Variants in KIF17 observed in about 807,000 individuals in gnomAD.
The protein encoded by KIF17 is kinesin-like protein KIF17.
In KIF17, 80 loss-of-function variants were observed where a neutral mutation model predicts 96.8. The ratio of observed to expected loss-of-function variants is 0.83; its 90% CI spans 0.69 to 1.00. KIF17 has a LOEUF of 1.00. Among genes scored for constraint, KIF17 ranks in the 50% least tolerant of loss-of-function variants. The pLI, the probability that KIF17 is intolerant of heterozygous loss-of-function variation, is 0.00. For synonymous variants in KIF17, 567 were observed against 587.5 expected (o/e 0.97, Z 0.51); for missense variants, 1,280 against 1,372.9 (o/e 0.93, Z 1.07).
In KIF17 at chr1:20,687,282, G is replaced by A. The variant is rs1345787742; in HGVS notation, c.1938+106C>T. The A allele has an allele frequency of 7.0e-6, 9 of 1,279,676 alleles. No homozygotes were observed. The allele number at this position is 1,279,676 out of a possible 1,614,324, so 79.3% of individuals were successfully genotyped here. On this transcript the variant is annotated intron_variant, in intron 8 of 14. Transcript: ENST00000400463. The surrounding 1 kb of genome is among the most constrained non-coding windows in gnomAD (Gnocchi z 4.4). Reference sequence around the variant, plus strand: ...CAGACACAGTGGAGCCACGGCCTGAGTGTCGGAGGCCATGTGTGTGAACAG... The same window carrying A: ...CAGACACAGTGGAGCCACGGCCTGAATGTCGGAGGCCATGTGTGTGAACAG...
intron 6 of KIF17, among the ~76,000 whole-genome samples, chr1:20,697,058 C>A (rs1303306985): frequency 6.6e-6 from 1 of 152,210 alleles, no homozygotes; most frequent in African/African-American, 2.4e-5. Flanking sequence ...GTGCAGCGCC[C>A]GAGGCTCTTG....
intron 3 of KIF17, among the ~76,000 whole-genome samples, chr1:20,711,812 G>T (rs747767695): frequency 6.6e-6 from 1 of 152,132 alleles, no homozygotes; most frequent in Non-Finnish European, 1.5e-5. Context: ...GAGCCCCCGG[G>T]TTCAAATCCC....
intron 6 of KIF17, among the ~76,000 whole-genome samples, chr1:20,691,426 C>A (rs866349448): frequency 2.0e-5 from 3 of 151,966 alleles, no homozygotes; most frequent in Admixed American, 6.6e-5. Context: ...GGATTACAGG[C>A]ATAAGCCACC....
rs148036788 is a variant in KIF17, at chr1:20,703,727, G to A, written c.1123+720C>T. ...AATAGATGGAGAGGAAGGTGGGTGC[G>A]AGGGGGATGAATGGACAGACAGACC... On this transcript the variant is annotated intron_variant, in intron 5 of 14. Transcript: ENST00000400463. 1.6e-3 allele frequency among the ~76,000 whole-genome samples: 236 copies of A among 152,132 alleles called. 1 individual carries two copies. Among genetic ancestry groups the A allele is most frequent in the African/African-American group, 5.3e-3 (220 of 41,496 alleles).
chr1:20,683,044 T>C (rs555989120), intron 10 of KIF17, among the ~76,000 whole-genome samples, 160 bp from the exon 11 acceptor site: 1 of 152,250 alleles, frequency 6.6e-6, no homozygotes, highest in East Asian at 1.9e-4. Context: ...CGCTGCTTGC[T>C]CAGGGTCACA....
At position 20,666,283 on chromosome 1, in the gene KIF17, T is replaced by G; in HGVS notation, c.2839A>C (p.Ile947Leu). ...LMLSRSNSEN[I>L]ASNYFRSKRA... ...TTAGATCGGAAGTAGTTGCTGGCAA[T>G]GTTTTCACTGTTGCTCCGACTGAGC... is the stretch of plus-strand genomic sequence containing the variant. Residue 947 changes from isoleucine (I) to leucine (L), a missense_variant, in exon 14 of 15, where the codon ATT becomes CTT. Transcript: ENST00000400463. 6.2e-7 allele frequency: 1 copy of G among 1,614,200 alleles called. No homozygotes were observed. Among genetic ancestry groups the G allele is most frequent in the Non-Finnish European group, 8.5e-7 (1 of 1,180,030 alleles).
intron 11 of KIF17, among the ~76,000 whole-genome samples, chr1:20,675,252 C>T (rs2053718386): frequency 6.6e-6 from 1 of 151,406 alleles, no homozygotes; most frequent in Non-Finnish European, 1.5e-5. Flanking sequence ...TCAAGACCAT[C>T]CTGGCTAACA....
intron 6 of KIF17, among the ~76,000 whole-genome samples, chr1:20,694,725 T>C (rs1441468583): frequency 6.6e-6 from 1 of 152,230 alleles, no homozygotes; most frequent in Non-Finnish European, 1.5e-5. Flanking sequence ...AGTACATTTT[T>C]AGATACACTT....
chr1:20,661,826 C>T (rs925501913), downstream of KIF17, among the ~76,000 whole-genome samples: 1 of 152,226 alleles, frequency 6.6e-6, no homozygotes, highest in Non-Finnish European at 1.5e-5. Context: ...GGAACTAGGC[C>T]CCACCTCCAC....
intron 11 of KIF17, among the ~76,000 whole-genome samples, chr1:20,679,430 T>C (rs2053792477): frequency 6.6e-6 from 1 of 152,052 alleles, no homozygotes; most frequent in Admixed American, 6.6e-5. Context: ...CAGTGAGCTA[T>C]GATTGTGCCA....
intron 14 of KIF17, 100 bp from the exon 15 acceptor site, chr1:20,664,862 C>T: frequency 9.0e-7 from 1 of 1,105,116 alleles, no homozygotes; most frequent in Non-Finnish European, 1.3e-6. Context: ...CACCCCACTC[C>T]CGCCCCCCTG....
intron 8 of KIF17, among the ~76,000 whole-genome samples, chr1:20,686,955 C>G (rs1454880495): frequency 6.6e-6 from 1 of 152,168 alleles, no homozygotes; most frequent in Non-Finnish European, 1.5e-5. Context: ...TCCCAGAAGC[C>G]TCGTGGTCAC....
intron 7 of KIF17, 122 bp downstream of exon 7, chr1:20,690,066 T>C: frequency 9.6e-7 from 1 of 1,043,744 alleles, no homozygotes; most frequent in Non-Finnish European, 1.4e-6. Context: ...ACTGGACCAT[T>C]GTGAGGATAA....
intron 10 of KIF17, among the ~76,000 whole-genome samples, chr1:20,683,665 G>A (rs77167329): frequency 6.6e-6 from 1 of 151,734 alleles, no homozygotes; most frequent in African/African-American, 2.4e-5. Flanking sequence ...AAAAAAAAAA[G>A]AAAGAAAAAA....
chr1:20,712,837 T>TAA (rs2054489852), intron 3 of KIF17, among the ~76,000 whole-genome samples: 1 of 12,932 alleles, frequency 7.7e-5, no homozygotes, highest in African/African-American at 2.2e-4. Context: ...TTATCTATAT[T>TAA]ATAGATATAG....
At chr1:20,717,324 C>G in intron 1 of KIF17, 152 bp downstream of exon 1, 1 of 790,030 alleles carries the variant, frequency 1.3e-6, no homozygotes, top group South Asian at 1.8e-5. Context: ...TTGTGTCCCG[C>G]CTGGACAAAA....
chr1:20,709,643 G>T lies in KIF17; in HGVS notation c.666C>A (p.Ala222=), dbSNP rs754565917. ...SIFTISIEMS[A]VDERGKDHLR... is the part of the protein sequence containing the mutation. ...CCCAACAATGGCCTCGCATACCCAC[G>T]GCAGACATCTCGATGCTGATGGTGA... The change falls in exon 4 of 15, where the codon GCC becomes GCA. Residue 222 remains alanine (A), a synonymous_variant. Coordinates refer to ENST00000400463, the MANE Select transcript of KIF17 (RefSeq NM_001122819.3). This position sits in a 1 kb window ranked among gnomAD's most constrained non-coding sequence, Gnocchi z 4.7. 5.0e-6 allele frequency: 8 copies of T among 1,613,824 alleles called. No homozygotes were observed. The highest frequency in any genetic ancestry group is 1.3e-5 in the African/African-American group (1 of 74,904).
intron 14 of KIF17, 47 bp from the exon 15 acceptor site, chr1:20,664,809 TG>T (rs766529506): frequency 1.3e-6 from 2 of 1,575,760 alleles, no homozygotes; most frequent in Admixed American, 3.4e-5. Context: ...AGCGCAGGGA[TG>T]GAGAGAAAAT....
chr1:20,671,951 G>A lies in KIF17; in HGVS notation c.2709C>T (p.Thr903=). The part of the protein sequence containing the change: ...WKIPHPVITK[T]SLPVVSTGPQ... The stretch of plus-strand genomic sequence containing the variant: ...CAAGCTCCTGACCTACTGGGAGGCT[G>A]GTTTTTGTGATGACGGGATGTGGGA... The change falls in exon 12 of 15, where the codon ACC becomes ACT. Residue 903 remains threonine, a synonymous_variant. Transcript: ENST00000400463. 6.2e-7 allele frequency: 1 copy of A among 1,613,704 alleles called. No individual in the cohort carries two copies. Among genetic ancestry groups the A allele is most frequent in the Non-Finnish European group, 8.5e-7 (1 of 1,180,012 alleles).
Sources: allele counts gnomAD v4.1 joint callset (sites outside exome capture counted in the v4.1 genomes callset), GRCh38; gene constraint gnomAD v4.1.1; non-coding constraint Gnocchi (gnomAD v3.1); transcripts MANE v1.5; gene names NCBI Gene and HGNC (gene_info 2026-07-23, HGNC 2026-07-21).